Variants in DLG2 observed in about 807,000 individuals in gnomAD.
The protein encoded by DLG2 is disks large homolog 2.
Under a neutral mutation model 132.5 loss-of-function variants are expected in DLG2, and 45 were observed. The ratio of observed to expected loss-of-function variants is 0.34; its 90% CI spans 0.27 to 0.44. The LOEUF (loss-of-function observed/expected upper bound fraction) is 0.44. Ranked by LOEUF, DLG2 falls within the 20% of genes least tolerant of loss-of-function variation. The probability of loss-of-function intolerance (pLI) is 1.00; values close to 1 mark genes in which losing one functional copy is unlikely to be tolerated. For synonymous variants in DLG2, 424 were observed against 419.6 expected (o/e 1.01, Z -0.13); for missense variants, 1,045 against 1,196.9 (o/e 0.87, Z 1.87).
At chr11:83,564,466 C>T (rs1468798329) in intron 19 of DLG2, among the ~76,000 whole-genome samples, 5 of 152,208 alleles carry the variant, frequency 3.3e-5, no homozygotes, top group Admixed American at 6.5e-5. Flanking sequence ...TATTTCACTC[C>T]AGGATCTAAG....
chr11:84,926,120 C>T (rs528762285), intron 6 of DLG2, among the ~76,000 whole-genome samples: 9 of 152,092 alleles, frequency 5.9e-5, no homozygotes, highest in African/African-American at 2.2e-4. Flanking sequence ...GAATGAAGCA[C>T]TCAAAGAACA....
At chr11:85,284,748 T>C (rs2078449516) in intron 4 of DLG2, among the ~76,000 whole-genome samples, 1 of 151,900 alleles carries the variant, frequency 6.6e-6, no homozygotes, top group African/African-American at 2.4e-5. Context: ...GTTACCCAAA[T>C]ATAGAAAATT....
At chr11:84,331,605 C>T (rs552235219) in intron 7 of DLG2, among the ~76,000 whole-genome samples, 2 of 72,402 alleles carry the variant, frequency 2.8e-5, no homozygotes, top group Admixed American at 2.0e-4. Context: ...GTGGGGCGGC[C>T]GGGTGGGTGG....
At chr11:84,051,728 C>T (rs2096387259) in intron 11 of DLG2, among the ~76,000 whole-genome samples, 1 of 150,850 alleles carries the variant, frequency 6.6e-6, no homozygotes, top group Non-Finnish European at 1.5e-5. Flanking sequence ...ACATATGTAA[C>T]TAACCTGCAC....
At position 83,510,233 on chromosome 11, in the gene DLG2, C is replaced by G. The variant is rs571242073; in HGVS notation, c.2193+22475G>C. ...CCTCATTCCCTCCCTCCCTCCCTCCCTCCTTCAGATAGGAGAGGGTATTCA... is the reference window on the plus strand; with the variant it reads ...CCTCATTCCCTCCCTCCCTCCCTCCGTCCTTCAGATAGGAGAGGGTATTCA... On this transcript the variant is annotated intron_variant, in intron 21 of 27. Transcript: ENST00000376104. Among the ~76,000 whole-genome samples the G allele has an allele frequency of 3.9e-5, 6 of 152,114 alleles. No homozygotes were observed. The East Asian group carries it at 1.2e-3, about 29-fold the overall frequency.
intron 7 of DLG2, among the ~76,000 whole-genome samples, chr11:84,316,169 G>A (rs922357607): frequency 3.3e-5 from 5 of 152,104 alleles, no homozygotes; most frequent in Non-Finnish European, 7.4e-5. Flanking sequence ...TTAGAAATGC[G>A]TTATAGAAGA....
chr11:84,812,061 G>C (rs939225341), intron 6 of DLG2, among the ~76,000 whole-genome samples: 3 of 152,014 alleles, frequency 2.0e-5, no homozygotes, highest in African/African-American at 4.8e-5. Context: ...CATTATTCTA[G>C]GTTAAGATAT....
chr11:83,632,643 A>G (rs1037108505), intron 19 of DLG2: 2 of 152,190 alleles, frequency 1.3e-5, no homozygotes, highest in African/African-American at 4.8e-5. Context: ...TTTTTCTGGT[A>G]AATTGATGAG....
chr11:84,645,798 A>G (rs2099674183), intron 6 of DLG2, among the ~76,000 whole-genome samples: 1 of 152,132 alleles, frequency 6.6e-6, no homozygotes, highest in Non-Finnish European at 1.5e-5. Flanking sequence ...TTTTGCATAG[A>G]GTGGCTAGCA....
chr11:84,764,907 T>C (rs751521683), intron 6 of DLG2, among the ~76,000 whole-genome samples: 15 of 152,122 alleles, frequency 9.9e-5, no homozygotes, highest in Middle Eastern at 3.4e-3. Context: ...GGAGGATGAA[T>C]GTGTGTAATG....
chr11:83,987,260 G>T (rs2093389899), intron 11 of DLG2, among the ~76,000 whole-genome samples: 3 of 152,032 alleles, frequency 2.0e-5, no homozygotes, highest in Non-Finnish European at 2.9e-5. Flanking sequence ...TTGTGAAAAT[G>T]GCCATACCGC....
At chr11:84,673,214 G>A (rs970200345) in intron 6 of DLG2, among the ~76,000 whole-genome samples, 1 of 152,072 alleles carries the variant, frequency 6.6e-6, no homozygotes, top group African/African-American at 2.4e-5. Flanking sequence ...GGAGGAAGAA[G>A]GAGCCTGACA....
chr11:83,479,374 CG>C (rs67710156), intron 22 of DLG2, among the ~76,000 whole-genome samples: 57,731 of 151,200 alleles, frequency 0.38, 10,976 homozygotes, highest in Middle Eastern at 0.45. Context: ...CATGCTATAA[CG>C]GGGGGGGGAA....
intron 6 of DLG2, among the ~76,000 whole-genome samples, chr11:84,760,815 A>G (rs1056950015): frequency 3.3e-5 from 5 of 152,080 alleles, no homozygotes; most frequent in African/African-American, 1.2e-4. Flanking sequence ...GAGAGGAGGG[A>G]TGTCTGGACA....
intron 18 of DLG2, among the ~76,000 whole-genome samples, chr11:83,709,488 A>G (rs573228300): frequency 6.6e-6 from 1 of 152,122 alleles, no homozygotes; most frequent in South Asian, 2.1e-4. Context: ...GACTTTTAAA[A>G]TCACACTGGC....
intron 3 of DLG2, among the ~76,000 whole-genome samples, chr11:85,307,971 A>C (rs1373416307): frequency 6.6e-6 from 1 of 152,024 alleles, no homozygotes; most frequent in Non-Finnish European, 1.5e-5. Context: ...CCTGGCCAAC[A>C]TGGTGAAACT....
chr11:84,852,534 G>A (rs375442160), intron 6 of DLG2, among the ~76,000 whole-genome samples: 82 of 152,074 alleles, frequency 5.4e-4, no homozygotes, highest in African/African-American at 1.6e-3. Flanking sequence ...TGTGGTATGC[G>A]TTTGCCATCT....
intron 7 of DLG2, among the ~76,000 whole-genome samples, chr11:84,523,769 G>A (rs894821771): frequency 6.6e-6 from 1 of 152,136 alleles, no homozygotes; most frequent in Non-Finnish European, 1.5e-5. Context: ...AAAAATTTCT[G>A]TGTAACTGGG....
At chr11:83,816,746 C>G (rs929479114) in intron 17 of DLG2, among the ~76,000 whole-genome samples, 3 of 152,274 alleles carry the variant, frequency 2.0e-5, no homozygotes, top group African/African-American at 7.2e-5. Context: ...ATTCCTTTCC[C>G]CCAAAGGATG....
Sources: allele counts gnomAD v4.1 joint callset (sites outside exome capture counted in the v4.1 genomes callset), GRCh38; gene constraint gnomAD v4.1.1; transcripts MANE v1.5; gene names NCBI Gene and HGNC (gene_info 2026-07-23, HGNC 2026-07-21).